Variants in MAN2B2 observed in about 807,000 individuals in gnomAD.
MAN2B2 encodes mannosidase alpha class 2B member 2, also known as epididymis-specific alpha-mannosidase.
MAN2B2 carries 106 observed loss-of-function variants against 117.1 expected under a neutral mutation model. The ratio of observed to expected loss-of-function variants is 0.90; its 90% CI spans 0.77 to 1.06. The LOEUF is 1.06. Among genes scored for constraint, MAN2B2 ranks in the 50% least tolerant of loss-of-function variants. MAN2B2 has a pLI of 0.00. For synonymous variants in MAN2B2, 544 were observed against 595.1 expected (o/e 0.91, Z 1.25); for missense variants, 1,326 against 1,381.4 (o/e 0.96, Z 0.64).
chr4:6,591,785 A>G (rs549404436), intron 5 of MAN2B2, among the ~76,000 whole-genome samples: 2 of 151,450 alleles, frequency 1.3e-5, no homozygotes, highest in African/African-American at 4.9e-5. Context: ...ATGGACCAGG[A>G]CCCCCCGGGG....
At chr4:6,604,202 C>T (rs73089193) in intron 10 of MAN2B2, among the ~76,000 whole-genome samples, 14 of 152,278 alleles carry the variant, frequency 9.2e-5, no homozygotes, top group African/African-American at 3.4e-4. Context: ...AAGGTCACCG[C>T]AGGGAGGAGG....
chr4:6,582,835 C>G (rs1726489105), intron 3 of MAN2B2, among the ~76,000 whole-genome samples: 1 of 151,614 alleles, frequency 6.6e-6, no homozygotes. Context: ...CTACTTCACC[C>G]TCAGCCCCTG....
intron 17 of MAN2B2, chr4:6,618,848 C>G (rs1440959333): frequency 6.6e-6 from 1 of 152,406 alleles, no homozygotes; most frequent in East Asian, 1.9e-4. Context: ...ACTGGGCCAC[C>G]CACCTCCTCT....
At position 6,576,689 on chromosome 4, in the gene MAN2B2, T is replaced by C. The variant is rs766239497; in HGVS notation, c.250T>C (p.Trp84Arg). The change falls in exon 2 of 19, where the codon TGG becomes CGG. Residue 84 changes from tryptophan to arginine, a missense_variant. Physicochemically the swap from Trp to Arg is moderately radical, Grantham distance 101. Transcript: ENST00000285599. ...GGAGCAGGAGTTTTTCCGGCTGTGG[T>C]GGGATGGCGTCGCCTCGGACCAGCA... ...AVEQEFFRLWWDGVASDQQKY... is the reference protein window; with the variant it reads ...AVEQEFFRLWRDGVASDQQKY... 6.2e-7 allele frequency: 1 copy of C among 1,613,760 alleles called. No homozygotes were observed. The highest frequency in any genetic ancestry group is 1.3e-5 in the African/African-American group (1 of 74,894).
At chr4:6,620,839 C>G (rs537217557) in intron 18 of MAN2B2, 1 of 228,146 alleles carries the variant, frequency 4.4e-6, no homozygotes, top group Non-Finnish European at 8.5e-6. Flanking sequence ...CAGATGGTCT[C>G]AGAAAGCTCT....
chr4:6,579,333 A>T (rs1726311040), intron 3 of MAN2B2, among the ~76,000 whole-genome samples: 1 of 131,446 alleles, frequency 7.6e-6, no homozygotes, highest in Non-Finnish European at 1.6e-5. Context: ...CACCACCACC[A>T]CCACCACCAT....
At position 6,589,126 on chromosome 4, in the gene MAN2B2, T is replaced by C; in HGVS notation, c.646T>C (p.Tyr216His). 2 of 1,614,154 alleles carry C rather than the reference T, an allele frequency of 1.2e-6. 1 individual carries two copies. The highest frequency in any genetic ancestry group is 2.2e-5 in the South Asian group (2 of 91,082). Residue 216 changes from tyrosine to histidine, a missense_variant, in exon 5 of 19, where the codon TAC becomes CAC. Coordinates refer to ENST00000285599, the MANE Select transcript of MAN2B2 (RefSeq NM_015274.3). ...CACGCACATCATGGACCAGTACAGC[T>C]ACTGCACCCCGTCCCACATCCCTTT... The part of the protein sequence containing the change: ...IFTHIMDQYS[Y>H]CTPSHIPFSN...
At chr4:6,609,431 G>T (rs1727679656) in intron 12 of MAN2B2, 133 bp downstream of exon 12, 3 of 849,548 alleles carry the variant, frequency 3.5e-6, no homozygotes, top group Non-Finnish European at 5.4e-6. Context: ...GTCTGATGAA[G>T]AAATGAATTG....
intron 10 of MAN2B2, among the ~76,000 whole-genome samples, chr4:6,601,619 C>G (rs1003722456): frequency 7.9e-5 from 12 of 152,194 alleles, no homozygotes; most frequent in African/African-American, 2.7e-4. Context: ...TCCTTGGGAG[C>G]AGCCCCATCC....
intron 7 of MAN2B2, among the ~76,000 whole-genome samples, chr4:6,596,175 T>G (rs1727076814): frequency 7.0e-6 from 1 of 142,510 alleles, no homozygotes. Context: ...CAGGCGGGTG[T>G]GGGTGGGCGT....
At chr4:6,578,997 C>CCA (rs1726180108) in intron 3 of MAN2B2, among the ~76,000 whole-genome samples, 1 of 141,170 alleles carries the variant, frequency 7.1e-6, no homozygotes, top group Non-Finnish European at 1.6e-5. Context: ...ATCACTACCA[C>CCA]TACCATCACC....
rs1384147922 is a variant in MAN2B2, at chr4:6,622,683, G to A, written c.*1398G>A. The A allele has an allele frequency of 1.3e-5, 2 of 152,234 alleles. No homozygotes were observed. The highest frequency in any genetic ancestry group is 2.4e-5 in the African/African-American group (1 of 41,454). 9.4% of individuals were successfully genotyped at this position (152,234 alleles called of 1,614,324 possible). A position where few individuals can be genotyped will look rare whatever the true frequency, so the allele number is the denominator to read the frequency against. On this transcript the variant is annotated 3_prime_UTR_variant, in exon 19 of 19. Coordinates refer to ENST00000285599, the MANE Select transcript of MAN2B2 (RefSeq NM_015274.3). ...ACTCCTGACCTCAGGTGATCTGCCT[G>A]CCCCGGCCTCCCAAAGTGCCAGGAT...
intron 13 of MAN2B2, 58 bp from the exon 14 acceptor site, chr4:6,610,822 G>A (rs1727737433): frequency 4.0e-6 from 6 of 1,493,158 alleles, no homozygotes; most frequent in Middle Eastern, 1.7e-4. Context: ...AGAGGGTGAT[G>A]CCTGACCTAC....
intron 10 of MAN2B2, among the ~76,000 whole-genome samples, chr4:6,602,832 G>T (rs947888891): frequency 6.6e-6 from 1 of 152,006 alleles, no homozygotes; most frequent in Admixed American, 6.6e-5. Flanking sequence ...CACCATACAT[G>T]GCTAATTTTT....
intron 9 of MAN2B2, among the ~76,000 whole-genome samples, chr4:6,599,667 A>C (rs982915791): frequency 4.0e-5 from 6 of 151,778 alleles, no homozygotes; most frequent in Middle Eastern, 6.8e-3. Context: ...CGTCTCAAAA[A>C]AAAAAAAAAA....
rs370848785 is a variant in MAN2B2, at chr4:6,576,701, G to A, written c.262G>A (p.Ala88Thr). ...EFFRLWWDGV[A>T]SDQQKYQVRQ... ...TTTCCGGCTGTGGTGGGATGGCGTCGCCTCGGACCAGCAGAAATACCAGGT... is the reference window on the plus strand; with the variant it reads ...TTTCCGGCTGTGGTGGGATGGCGTCACCTCGGACCAGCAGAAATACCAGGT... The change falls in exon 2 of 19, where the codon GCC becomes ACC. Residue 88 changes from alanine to threonine, a missense_variant. Physicochemically the swap from Ala to Thr is moderately conservative, Grantham distance 58 (BLOSUM62 0). Transcript: ENST00000285599. 7.6e-5 allele frequency: 123 copies of A among 1,613,768 alleles called. No homozygotes were observed. The highest frequency in any genetic ancestry group is 8.0e-5 in the Non-Finnish European group (94 of 1,179,956).
In MAN2B2 at chr4:6,594,580, T is replaced by C. The variant is rs149674807; in HGVS notation, c.905T>C (p.Met302Thr). ...AATGCCTCGGTGCAGTTTGCCAACA[T>C]GGACCCGCTGCTGGACCACATCAAC... The part of the protein sequence containing the change: ...FFNASVQFAN[M>T]DPLLDHINSH... The change falls in exon 7 of 19, where the codon ATG (methionine) becomes ACG (threonine). Residue 302 changes from methionine (M) to threonine (T), a missense_variant. Physicochemically the swap from Met to Thr is moderately conservative, Grantham distance 81. Coordinates refer to ENST00000285599, the MANE Select transcript of MAN2B2 (RefSeq NM_015274.3). The C allele has an allele frequency of 2.5e-6, 4 of 1,613,746 alleles. No homozygotes were observed. Among genetic ancestry groups the C allele is most frequent in the Non-Finnish European group, 1.7e-6 (2 of 1,180,022 alleles).
intron 15 of MAN2B2, among the ~76,000 whole-genome samples, chr4:6,612,179 A>T (rs1207421625): frequency 6.6e-6 from 1 of 152,260 alleles, no homozygotes; most frequent in Non-Finnish European, 1.5e-5. Context: ...TCACTCACCC[A>T]TGCAACAAGC....
intron 15 of MAN2B2, among the ~76,000 whole-genome samples, chr4:6,612,560 G>T (rs1261409854): frequency 1.3e-5 from 2 of 152,262 alleles, no homozygotes; most frequent in Non-Finnish European, 2.9e-5. Context: ...ATCAGGAGCA[G>T]AGGCTCACAG....
Sources: allele counts gnomAD v4.1 joint callset (sites outside exome capture counted in the v4.1 genomes callset), GRCh38; gene constraint gnomAD v4.1.1; transcripts MANE v1.5; gene names NCBI Gene and HGNC (gene_info 2026-07-23, HGNC 2026-07-21).